Variants in DNAH14 observed in about 807,000 individuals in gnomAD.
The protein encoded by DNAH14 is dynein axonemal heavy chain 14.
Under a neutral mutation model 520.9 loss-of-function variants are expected in DNAH14, and 478 were observed. The ratio of observed to expected loss-of-function variants is 0.92; its 90% confidence interval spans 0.85 to 0.99. The LOEUF (loss-of-function observed/expected upper bound fraction) is 0.99. Among genes scored for constraint, DNAH14 ranks in the 50% least tolerant of loss-of-function variants. The pLI, the probability that DNAH14 is intolerant of heterozygous loss-of-function variation, is 0.00. For missense variants in DNAH14, 4,831 were observed against 5,234.5 expected (o/e 0.92, Z 2.38); for synonymous variants, 1,581 against 1,757.2 (o/e 0.90, Z 2.51).
In DNAH14 at chr1:225,140,802, G is replaced by C. The variant is rs201843941; in HGVS notation, c.4289G>C (p.Ser1430Thr). Residue 1430 changes from serine (S) to threonine (T), a missense_variant, in exon 28 of 86, where the codon AGT becomes ACT. Physicochemically the swap from Ser to Thr is moderately conservative, Grantham distance 58 (BLOSUM62 1). Transcript: ENST00000682510. ...ATGTTTTATAATGATTGTGTTAAAA[G>C]TTTTGTGAGTTCTTATTCAAGAGAA... ...QIMFYNDCVKSFVSSYSREKL... is the reference protein window; with the variant it reads ...QIMFYNDCVKTFVSSYSREKL... 30 of 1,549,428 alleles carry C rather than the reference G, an allele frequency of 1.9e-5. No individual in the cohort carries two copies. Among genetic ancestry groups the C allele is most frequent in the Non-Finnish European group, 2.4e-5 (28 of 1,146,204 alleles).
Position 225,276,981 on chromosome 1 carries a change from GGAAGGGAGGGAGGA to G in DNAH14, c.8179-428_8179-415del, listed in dbSNP as rs1558241565. Among the ~76,000 whole-genome samples the G allele has an allele frequency of 6.0e-4, 30 of 50,068 alleles. 2 individuals carry two copies. The highest frequency in any genetic ancestry group is 2.6e-3 in the African/African-American group (26 of 10,046). 32.8% of individuals were successfully genotyped at this position (50,068 alleles called of 152,430 possible). ...AGGAAGGAAGGAAGGAAGGAAGGAA[GGAAGGGAGGGAGGA>G]AGGAAGGGAGGGAGGGAGGGAGGGA... On this transcript the variant is annotated intron_variant, in intron 53 of 85. Coordinates refer to ENST00000682510, the MANE Select transcript of DNAH14 (RefSeq NM_001367479.1).
chr1:224,992,005 C>T (rs1220045044), intron 8 of DNAH14, among the ~76,000 whole-genome samples: 1 of 152,160 alleles, frequency 6.6e-6, no homozygotes, highest in Non-Finnish European at 1.5e-5. Context: ...ATCCTTTATC[C>T]ATTGTGTATT....
chr1:225,194,543 T>G lies in DNAH14; in HGVS notation c.5886+1632T>G, dbSNP rs530956716. 5.3e-5 allele frequency among the ~76,000 whole-genome samples: 8 copies of G among 152,184 alleles called. No homozygotes were observed. In the South Asian group the frequency reaches 1.7e-3, roughly 32 times the overall value. On this transcript the variant is annotated intron_variant, in intron 38 of 85. Coordinates refer to ENST00000682510, the MANE Select transcript of DNAH14 (RefSeq NM_001367479.1). ...ATACAAAAATCAACTCAAGATAGAT[T>G]AATGATTTACATGTAAAACTTGAAA...
chr1:225,144,336 T>A, intron 28 of DNAH14, 61 bp from the exon 29 acceptor site: 2 of 1,251,424 alleles, frequency 1.6e-6, no homozygotes, highest in Non-Finnish European at 2.2e-6. Flanking sequence ...TTTTTCTGCA[T>A]GTGAAAATAC....
intron 17 of DNAH14, among the ~76,000 whole-genome samples, chr1:225,068,586 A>G (rs1247659703): frequency 1.3e-5 from 2 of 152,140 alleles, no homozygotes; most frequent in African/African-American, 2.4e-5. Flanking sequence ...TGAGCATGGA[A>G]TGTTTCTCCA....
chr1:225,296,096 T>C (rs2094000391), intron 55 of DNAH14, among the ~76,000 whole-genome samples: 1 of 152,178 alleles, frequency 6.6e-6, no homozygotes, highest in Admixed American at 6.6e-5. Context: ...GGAATATCTT[T>C]TTCTATCCCT....
Position 225,301,017 on chromosome 1 carries a change from C to A in DNAH14, c.8618C>A (p.Ser2873Ter). The change falls in exon 56 of 86, where the codon TCA (serine) becomes TAA (stop). Residue 2873 changes from serine (S) to a stop codon, truncating the protein, a stop_gained. Transcript: ENST00000682510. LOFTEE classifies it high-confidence loss of function. ...ATGGATAATAGGCAATCTTTACTTT[C>A]ATTCTTTCAAAAGGTACTTTTTTGT... is the stretch of plus-strand genomic sequence containing the variant. Reference protein sequence around the residue: ...GHMDNRQSLLSFFQKRIYKNL... With the variant: ...GHMDNRQSLL 6.5e-7 allele frequency: 1 copy of A among 1,547,894 alleles called. No individual in the cohort carries two copies. Among genetic ancestry groups the A allele is most frequent in the Non-Finnish European group, 8.7e-7 (1 of 1,145,876 alleles).
chr1:225,066,618 C>T (rs1207708865), intron 17 of DNAH14, among the ~76,000 whole-genome samples: 1 of 151,846 alleles, frequency 6.6e-6, no homozygotes, highest in East Asian at 1.9e-4. Flanking sequence ...ATACACTGTA[C>T]CCAATATGTA....
chr1:225,049,347 C>T (rs1430230138), intron 15 of DNAH14, among the ~76,000 whole-genome samples: 1 of 152,038 alleles, frequency 6.6e-6, no homozygotes, highest in Non-Finnish European at 1.5e-5. Context: ...ATGCAGGGGC[C>T]ACCACACCCA....
chr1:225,395,364 C>T (rs908216037), intron 84 of DNAH14, among the ~76,000 whole-genome samples: 2 of 152,142 alleles, frequency 1.3e-5, no homozygotes, highest in Non-Finnish European at 2.9e-5. Context: ...GAGGCTGAGG[C>T]GGGCAGATCA....
chr1:224,940,992 T>C (rs1371960856), intron 1 of DNAH14, among the ~76,000 whole-genome samples: 1 of 152,224 alleles, frequency 6.6e-6, no homozygotes, highest in Non-Finnish European at 1.5e-5. Flanking sequence ...TGTGCATGTG[T>C]CTTTATAGCA....
At position 225,070,656 on chromosome 1, in the gene DNAH14, G is replaced by A. The variant is rs2071446668; in HGVS notation, c.2425-8551G>A. 2.0e-5 allele frequency among the ~76,000 whole-genome samples: 3 copies of A among 152,178 alleles called. No individual in the cohort carries two copies. The South Asian group carries it at 6.2e-4, about 32-fold the overall frequency. ...TGATCTATTTTAGAGTAAGTGCCAT[G>A]CGGTGATGAAAAGAAGTATATTCTA... On this transcript the variant is annotated intron_variant, in intron 17 of 85. Transcript: ENST00000682510.
intron 42 of DNAH14, among the ~76,000 whole-genome samples, chr1:225,238,400 T>C (rs1558122158): frequency 6.6e-6 from 1 of 152,172 alleles, no homozygotes; most frequent in Non-Finnish European, 1.5e-5. Context: ...GAGGTCCACT[T>C]CAGACCCTAC....
chr1:225,398,778 A>G, intron 85 of DNAH14, 112 bp downstream of exon 85: 1 of 1,370,710 alleles, frequency 7.3e-7, no homozygotes, highest in Admixed American at 2.8e-5. Context: ...ATGTGATAAT[A>G]TACTCAGACA....
intron 53 of DNAH14, among the ~76,000 whole-genome samples, chr1:225,276,689 G>A (rs1204236009): frequency 2.6e-5 from 4 of 151,808 alleles, no homozygotes; most frequent in Non-Finnish European, 5.9e-5. Flanking sequence ...CTTGAGCCCA[G>A]GAGTTTGAGA....
At chr1:225,257,328 A>G (rs948458296) in intron 44 of DNAH14, among the ~76,000 whole-genome samples, 19 of 152,194 alleles carry the variant, frequency 1.2e-4, no homozygotes, top group African/African-American at 4.6e-4. Flanking sequence ...AATGACTTTA[A>G]TTTAGTGGAA....
chr1:224,984,126 TG>T (rs373827106), intron 8 of DNAH14, among the ~76,000 whole-genome samples: 1 of 152,344 alleles, frequency 6.6e-6, no homozygotes, highest in African/African-American at 2.4e-5. Context: ...GGCATCACAC[TG>T]CCTGATTTCA....
chr1:225,222,714 C>T (rs2090158032), intron 41 of DNAH14, among the ~76,000 whole-genome samples: 2 of 152,080 alleles, frequency 1.3e-5, no homozygotes, highest in South Asian at 4.1e-4. Flanking sequence ...TTCTTCAAGC[C>T]CCCACCCGAC....
At chr1:225,053,497 A>C (rs191993159) in intron 17 of DNAH14, among the ~76,000 whole-genome samples, 1 of 152,084 alleles carries the variant, frequency 6.6e-6, no homozygotes, top group Admixed American at 6.6e-5. Flanking sequence ...TTTTGTGTGG[A>C]CCCTCTGGCT....
Sources: gnomAD v4.1 joint callset for allele counts (sites outside exome capture counted in the v4.1 genomes callset) on GRCh38, gnomAD v4.1.1 for gene constraint, MANE v1.5 for transcripts, NCBI Gene and HGNC (gene_info 2026-07-23, HGNC 2026-07-21) for gene names.